ELP2: variants seen among roughly 807,000 people sequenced by gnomAD.
The protein encoded by ELP2 is elongator acetyltransferase complex subunit 2.
In ELP2, 90 loss-of-function variants were observed where a neutral mutation model predicts 119.2. That is an observed-to-expected ratio of 0.75 (90% CI 0.64 to 0.90). The LOEUF is 0.90. Among genes scored for constraint, ELP2 ranks in the 40% least tolerant of loss-of-function variants. The pLI is 0.00. For missense variants in ELP2, 921 were observed against 967.8 expected (o/e 0.95, Z 0.64); for synonymous variants, 339 against 331.0 (o/e 1.02, Z -0.26).
At chr18:36,167,012 T>C (rs1353690657) in intron 18 of ELP2, 89 bp from the exon 19 acceptor site, 2 of 1,344,262 alleles carry the variant, frequency 1.5e-6, no homozygotes, top group Non-Finnish European at 2.0e-6. Flanking sequence ...TTAAGTCATA[T>C]GGTGTATATG....
At chr18:36,143,693 G>A (rs1449002216) in intron 8 of ELP2, among the ~76,000 whole-genome samples, 1 of 152,022 alleles carries the variant, frequency 6.6e-6, no homozygotes, top group Admixed American at 6.6e-5. Context: ...CACCATGCTT[G>A]GCCTGATACT....
chr18:36,146,645 A>C (rs910513049), intron 11 of ELP2, among the ~76,000 whole-genome samples: 1 of 152,160 alleles, frequency 6.6e-6, no homozygotes, highest in African/African-American at 2.4e-5. Flanking sequence ...CTTCTTAAAA[A>C]GTTAACATAA....
At position 36,138,989 on chromosome 18, in the gene ELP2, C is replaced by G. The variant is rs192906352; in HGVS notation, c.523+117C>G. On this transcript the variant is annotated intron_variant, in intron 5 of 21. Transcript: ENST00000358232. The stretch of plus-strand genomic sequence containing the variant: ...TTTGTATCTGAATGTTTCTATGAAA[C>G]AAGATGTGAATAACATACTTTCCTT... 12 of 816,066 alleles carry G rather than the reference C, an allele frequency of 1.5e-5. No individual in the cohort carries two copies. In the Admixed American group the frequency reaches 1.6e-4, roughly 11 times the overall value. The allele number at this position is 816,066 out of a possible 1,614,324, so 50.6% of individuals were successfully genotyped here. A position where few individuals can be genotyped will look rare whatever the true frequency, so the allele number is the denominator to read the frequency against.
intron 2 of ELP2, 86 bp from the exon 3 acceptor site, chr18:36,136,221 G>A: frequency 1.1e-6 from 1 of 939,220 alleles, no homozygotes; most frequent in South Asian, 1.3e-5. Context: ...GGGTACAGGG[G>A]TATTGTTTTT....
In ELP2 at chr18:36,167,194, AT is replaced by A; in HGVS notation, c.2051del (p.Phe684SerfsTer40). 1 of 1,594,790 alleles carries A rather than the reference AT, an allele frequency of 6.3e-7. No individual in the cohort carries two copies. Among genetic ancestry groups the A allele is most frequent in the Non-Finnish European group, 8.6e-7 (1 of 1,169,340 alleles). On this transcript the variant is annotated frameshift_variant, in exon 19 of 22. Coordinates refer to ENST00000358232, the MANE Select transcript of ELP2 (RefSeq NM_018255.4). LOFTEE classifies it high-confidence loss of function. ...WSCDWSPDSK[Y>X]FFTGSRDKKV... ...TGTGATTGGAGTCCTGACAGCAAGT[AT>A]TTCTTCACTGGGAGTCGAGACAAAA...
rs1428591657 is a variant in ELP2, at chr18:36,141,219, A to G, written c.588+18A>G. ...ATGATCAGGTAATAATGTTTATATTAAGAGGCTGGAATTATATTCTGCTTA... is the reference window on the plus strand; with the variant it reads ...ATGATCAGGTAATAATGTTTATATTGAGAGGCTGGAATTATATTCTGCTTA... On this transcript the variant is annotated intron_variant, in intron 6 of 21. Coordinates refer to ENST00000358232, the MANE Select transcript of ELP2 (RefSeq NM_018255.4). The G allele has an allele frequency of 2.5e-6, 4 of 1,576,688 alleles. No individual in the cohort carries two copies. The Admixed American group carries it at 6.7e-5, about 26-fold the overall frequency.
At position 36,141,251 on chromosome 18, in the gene ELP2, TC is replaced by T. The variant is rs747380159; in HGVS notation, c.588+51del. ...TGGAATTATATTCTGCTTAGTTATA[TC>T]TCAATACAGACTATATCCAGATTAT... is the stretch of plus-strand genomic sequence containing the variant. On this transcript the variant is annotated intron_variant, in intron 6 of 21. Transcript: ENST00000358232. 2.2e-6 allele frequency: 3 copies of T among 1,376,664 alleles called. No homozygotes were observed. In the Admixed American group the frequency reaches 5.0e-5, roughly 23 times the overall value. The allele number at this position is 1,376,664 out of a possible 1,614,324, so 85.3% of individuals were successfully genotyped here. A position where few individuals can be genotyped will look rare whatever the true frequency, so the allele number is the denominator to read the frequency against.
At position 36,154,888 on chromosome 18, in the gene ELP2, T is replaced by C. The variant is rs779161235; in HGVS notation, c.1164T>C (p.Phe388=). 35 of 1,614,134 alleles carry C rather than the reference T, an allele frequency of 2.2e-5. No individual in the cohort carries two copies. In the Admixed American group the frequency reaches 2.3e-4, roughly 11 times the overall value. Residue 388 remains phenylalanine (F), a synonymous_variant, in exon 12 of 22, where the codon TTT becomes TTC. Transcript: ENST00000358232. Reference sequence around the variant, plus strand: ...CAGAGATTGTCATTTCAGGACACTTTGATGGTGTCCAAGACCTAGTCTGGG... The same window carrying C: ...CAGAGATTGTCATTTCAGGACACTTCGATGGTGTCCAAGACCTAGTCTGGG... ...WTPEIVISGH[F]DGVQDLVWDP...
At chr18:36,169,999 T>G in intron 19 of ELP2, 64 bp from the exon 20 acceptor site, 2 of 1,604,428 alleles carry the variant, frequency 1.2e-6, no homozygotes, top group Non-Finnish European at 1.7e-6. Context: ...CCGATGAAAC[T>G]GTAGTACATG....
At chr18:36,136,620 T>C (rs572844025) in intron 3 of ELP2, 8 of 478,836 alleles carry the variant, frequency 1.7e-5, no homozygotes, top group African/African-American at 1.4e-4. Context: ...CAGAAATGAC[T>C]TTTATATATA....
At chr18:36,150,424 C>T (rs1263437889) in intron 11 of ELP2, among the ~76,000 whole-genome samples, 1 of 152,206 alleles carries the variant, frequency 6.6e-6, no homozygotes, top group Non-Finnish European at 1.5e-5. Flanking sequence ...ACACTGCCAT[C>T]CCCATTAGAA....
chr18:36,173,663 C>T (rs1231213902), intron 21 of ELP2, among the ~76,000 whole-genome samples: 1 of 152,138 alleles, frequency 6.6e-6, no homozygotes, highest in South Asian at 2.1e-4. Flanking sequence ...CTTCATTCTT[C>T]CCTTTTAATC....
At position 36,138,503 on chromosome 18, in the gene ELP2, A is replaced by G. The variant is rs142403520; in HGVS notation, c.445+77A>G. The G allele has an allele frequency of 8.8e-4, 1,290 of 1,460,252 alleles. 16 individuals carry two copies. The East Asian group carries it at 0.023, about 26-fold the overall frequency. 90.5% of individuals were successfully genotyped at this position (1,460,252 alleles called of 1,614,324 possible). A position where few individuals can be genotyped will look rare whatever the true frequency, so the allele number is the denominator to read the frequency against. On this transcript the variant is annotated intron_variant, in intron 4 of 21. Transcript: ENST00000358232. ...GAATGACGAGTAGAAGAGCATATAT[A>G]TAATTCTTTACAACTTTGGAGCAAC...
In ELP2 at chr18:36,138,388, A is replaced by AT. The variant is rs1278875314; in HGVS notation, c.409dup (p.Ser137PhefsTer8). The AT allele has an allele frequency of 6.2e-7, 1 of 1,614,142 alleles. No individual in the cohort carries two copies. The highest frequency in any genetic ancestry group is 1.7e-5 in the Admixed American group (1 of 60,010). Reference sequence around the variant, plus strand: ...ACACTGATCGTTTCTGCAGCTGCAGATTCTGCTGTTCGACTCTGGTCTAAA... The same window carrying AT: ...ACACTGATCGTTTCTGCAGCTGCAGATTTCTGCTGTTCGACTCTGGTCTAAA... On this transcript the variant is annotated frameshift_variant, in exon 4 of 22. Transcript: ENST00000358232. LOFTEE classifies it high-confidence loss of function.
At chr18:36,133,831 A>C (rs1489916177) in intron 2 of ELP2, among the ~76,000 whole-genome samples, 1 of 146,784 alleles carries the variant, frequency 6.8e-6, no homozygotes, top group South Asian at 2.1e-4. Flanking sequence ...CAGCGGCTCC[A>C]TCAGAGTTCT....
chr18:36,130,638 C>T (rs2089578745), intron 1 of ELP2, among the ~76,000 whole-genome samples: 1 of 152,062 alleles, frequency 6.6e-6, no homozygotes, highest in African/African-American at 2.4e-5. Flanking sequence ...TCGACTTCAC[C>T]CAGTCAGTTG....
chr18:36,146,435 G>A, intron 11 of ELP2, 54 bp downstream of exon 11: 1 of 1,585,354 alleles, frequency 6.3e-7, no homozygotes, highest in Non-Finnish European at 8.7e-7. Flanking sequence ...GTACATTCTA[G>A]GTAAATAGTA....
intron 8 of ELP2, 55 bp downstream of exon 8, chr18:36,143,021 GATTT>G: frequency 7.4e-7 from 1 of 1,350,800 alleles, no homozygotes; most frequent in Non-Finnish European, 1.0e-6. Flanking sequence ...CTAGTTGGTT[GATTT>G]TTTTTTCACC....
chr18:36,144,839 A>C (rs1329073516), intron 8 of ELP2, 100 bp from the exon 9 acceptor site: 3 of 969,622 alleles, frequency 3.1e-6, no homozygotes, highest in Non-Finnish European at 4.9e-6. Context: ...ATTTTGTCCT[A>C]ATTTTTTTTT....
Sources: gnomAD v4.1 joint callset for allele counts (sites outside exome capture counted in the v4.1 genomes callset) on GRCh38, gnomAD v4.1.1 for gene constraint, MANE v1.5 for transcripts, NCBI Gene and HGNC (gene_info 2026-07-23, HGNC 2026-07-21) for gene names.